SNX17: variants seen among roughly 807,000 people sequenced by gnomAD.
SNX17 encodes sorting nexin-17.
Under a neutral mutation model 64.3 loss-of-function variants are expected in SNX17, and 35 were observed. The ratio of observed to expected loss-of-function variants is 0.54; its 90% CI spans 0.42 to 0.72. The LOEUF (loss-of-function observed/expected upper bound fraction) is 0.72, where lower values mean the gene tolerates loss of function less well. SNX17 is among the 30% of genes least tolerant of loss of function. The pLI is 0.00. For missense variants in SNX17, 538 were observed against 610.0 expected (o/e 0.88, Z 1.24); for synonymous variants, 259 against 230.2 (o/e 1.13, Z -1.13).
At position 27,373,956 on chromosome 2, in the gene SNX17, T is replaced by C; in HGVS notation, c.417T>C (p.Thr139=). Residue 139 remains threonine, a synonymous_variant, in exon 5 of 15, where the codon ACT becomes ACC. Transcript: ENST00000233575. The part of the protein sequence containing the change: ...VLVNVLTSDQ[T]EDVLEAVAAK... ...TCAACGTGCTAACTTCAGATCAGAC[T>C]GAGGATGTCCTGGAGGTGAGGCGCT... is the stretch of plus-strand genomic sequence containing the variant. 1 of 1,614,140 alleles carries C rather than the reference T, an allele frequency of 6.2e-7. No homozygotes were observed. Among genetic ancestry groups the C allele is most frequent in the Non-Finnish European group, 8.5e-7 (1 of 1,179,964 alleles).
chr2:27,375,100 A>G lies in SNX17; in HGVS notation c.721A>G (p.Lys241Glu). ...DIERGWILVT[K>E]EQHRQLKSLQ... The stretch of plus-strand genomic sequence containing the variant: ...TGAGCGTGGGTGGATCTTGGTCACC[A>G]AGGAACAGCACCGGCAACTCAAATC... The change falls in exon 9 of 15, where the codon AAG becomes GAG. Residue 241 changes from lysine (K) to glutamate (E), a missense_variant. Transcript: ENST00000233575. The surrounding 1 kb of genome is among the most constrained non-coding windows in gnomAD (Gnocchi z 4.1). 1 of 1,614,106 alleles carries G rather than the reference A, an allele frequency of 6.2e-7. No individual in the cohort carries two copies. Among genetic ancestry groups the G allele is most frequent in the East Asian group, 2.2e-5 (1 of 44,870 alleles).
intron 8 of SNX17, 106 bp from the exon 9 acceptor site, chr2:27,374,955 G>A (rs147306278): frequency 6.4e-5 from 70 of 1,100,310 alleles, no homozygotes; most frequent in Non-Finnish European, 7.6e-5. Context: ...CAGAGAGGTC[G>A]CTCAAGTGTG....
chr2:27,377,192 A>G lies in SNX17; in HGVS notation c.*473A>G. The G allele has an allele frequency of 2.1e-6, 1 of 467,926 alleles. No homozygotes were observed. The highest frequency in any genetic ancestry group is 2.1e-5 in the South Asian group (1 of 48,684). 29.0% of individuals were successfully genotyped at this position (467,926 alleles called of 1,614,324 possible). A position where few individuals can be genotyped will look rare whatever the true frequency, so the allele number is the denominator to read the frequency against. On this transcript the variant is annotated 3_prime_UTR_variant, in exon 15 of 15. Transcript: ENST00000233575. This position sits in a 1 kb window ranked among gnomAD's most constrained non-coding sequence, Gnocchi z 4.4. ...CAGCATGGACTACTATGCTAAGGGT[A>G]AGGCCAAATTGCCTGCCATTGCCAA...
intron 11 of SNX17, 66 bp downstream of exon 11, chr2:27,376,037 G>A (rs575278844): frequency 1.1e-5 from 17 of 1,613,822 alleles, no homozygotes; most frequent in Non-Finnish European, 1.4e-5. Flanking sequence ...TACTCAATAT[G>A]GGAGGCATTA....
rs758056798 is a variant in SNX17, at chr2:27,372,983, A to T, written c.256+243A>T. ...ATAACACTAGTCTTAATATCAGTGG[A>T]GAGAACTTAATTTGTATCTGATGTG... On this transcript the variant is annotated intron_variant, in intron 3 of 14. Coordinates refer to ENST00000233575, the MANE Select transcript of SNX17 (RefSeq NM_014748.4). 4 of 1,459,150 alleles carry T rather than the reference A, an allele frequency of 2.7e-6. No individual in the cohort carries two copies. The East Asian group carries it at 1.0e-4, about 36-fold the overall frequency. 90.4% of individuals were successfully genotyped at this position (1,459,150 alleles called of 1,614,324 possible).
chr2:27,374,444 G>A lies in SNX17; in HGVS notation c.611+11G>A, dbSNP rs761645043. Reference sequence around the variant, plus strand: ...TGTGCTAAGGAAGAGGTCAGGGCTGGGCCTGGAAGGGGAGGGGTGGGAGGT... The same window carrying A: ...TGTGCTAAGGAAGAGGTCAGGGCTGAGCCTGGAAGGGGAGGGGTGGGAGGT... On this transcript the variant is annotated intron_variant, in intron 7 of 14. Coordinates refer to ENST00000233575, the MANE Select transcript of SNX17 (RefSeq NM_014748.4). 1 of 1,610,082 alleles carries A rather than the reference G, an allele frequency of 6.2e-7. No individual in the cohort carries two copies. The highest frequency in any genetic ancestry group is 2.2e-5 in the East Asian group (1 of 44,844).
Position 27,370,627 on chromosome 2 carries a change from A to C in SNX17, c.-117A>C, listed in dbSNP as rs1682366393. On this transcript the variant is annotated 5_prime_UTR_variant, in exon 1 of 15. Transcript: ENST00000233575. Reference sequence around the variant, plus strand: ...CCACCGCCTTCCCACATCGGATCGCAGGGCTCCCAAAATGGCGAGTGAGGC... The same window carrying C: ...CCACCGCCTTCCCACATCGGATCGCCGGGCTCCCAAAATGGCGAGTGAGGC... 6.9e-7 allele frequency: 1 copy of C among 1,455,882 alleles called. No individual in the cohort carries two copies. Among genetic ancestry groups the C allele is most frequent in the Admixed American group, 2.6e-5 (1 of 39,096 alleles). 90.2% of individuals were successfully genotyped at this position (1,455,882 alleles called of 1,614,324 possible). A position where few individuals can be genotyped will look rare whatever the true frequency, so the allele number is the denominator to read the frequency against.
chr2:27,375,808 T>A lies in SNX17; in HGVS notation c.979-38T>A, dbSNP rs1326888996. ...CGGGTCAGGGAGCCAGACAGGTTGG[T>A]CAGAGTGAACTCAACCGAATTCCCC... On this transcript the variant is annotated intron_variant, in intron 10 of 14. Coordinates refer to ENST00000233575, the MANE Select transcript of SNX17 (RefSeq NM_014748.4). This position sits in a 1 kb window ranked among gnomAD's most constrained non-coding sequence, Gnocchi z 4.1. 1.9e-6 allele frequency: 3 copies of A among 1,611,326 alleles called. No individual in the cohort carries two copies. The highest frequency in any genetic ancestry group is 1.7e-5 in the Admixed American group (1 of 59,956).
Position 27,370,636 on chromosome 2 carries a change from A to G in SNX17, c.-108A>G. On this transcript the variant is annotated 5_prime_UTR_variant, in exon 1 of 15. Transcript: ENST00000233575. ...TCCCACATCGGATCGCAGGGCTCCCAAAATGGCGAGTGAGGCTGCGGGGAC... is the reference window on the plus strand; with the variant it reads ...TCCCACATCGGATCGCAGGGCTCCCGAAATGGCGAGTGAGGCTGCGGGGAC... The G allele has an allele frequency of 6.9e-7, 1 of 1,459,250 alleles. No individual in the cohort carries two copies. The highest frequency in any genetic ancestry group is 1.9e-4 in the Middle Eastern group (1 of 5,264). 90.4% of individuals were successfully genotyped at this position (1,459,250 alleles called of 1,614,324 possible).
At chr2:27,371,131 C>G (rs1682467894) in intron 1 of SNX17, 138 bp from the exon 2 acceptor site, 5 of 813,000 alleles carry the variant, frequency 6.2e-6, no homozygotes, top group Non-Finnish European at 1.0e-5. Context: ...GGACTTGGCC[C>G]TGGCGAAAAC....
intron 3 of SNX17, 176 bp from the exon 4 acceptor site, chr2:27,373,071 C>T (rs1371267027): frequency 6.4e-7 from 1 of 1,552,124 alleles, no homozygotes; most frequent in East Asian, 2.4e-5. Context: ...AGATGGCAGC[C>T]AAGGGTGGGG....
intron 6 of SNX17, 73 bp from the exon 7 acceptor site, chr2:27,374,273 C>T (rs1682937831): frequency 9.9e-6 from 14 of 1,411,756 alleles, no homozygotes; most frequent in Non-Finnish European, 1.4e-5. Context: ...AACATTGCCT[C>T]AGGGCACTTC....
In SNX17 at chr2:27,373,185, G is replaced by C. The variant is rs1682814768; in HGVS notation, c.257-62G>C. The stretch of plus-strand genomic sequence containing the variant: ...TGGGGTCGGGGGAACCTACTGAGAG[G>C]AGGACTGGGGAGCCAAGAGTGAGTG... On this transcript the variant is annotated intron_variant, in intron 3 of 14. Coordinates refer to ENST00000233575, the MANE Select transcript of SNX17 (RefSeq NM_014748.4). 3 of 1,610,632 alleles carry C rather than the reference G, an allele frequency of 1.9e-6. No homozygotes were observed. In the East Asian group the frequency reaches 6.7e-5, roughly 36 times the overall value.
At position 27,370,681 on chromosome 2, in the gene SNX17, G is replaced by A. The variant is rs909207502; in HGVS notation, c.-63G>A. ...GGGGACTCGCTGAGCAGCGGAGGGGGAGCGTGCAGAGCCGCTGCGGCCCTC... is the reference window on the plus strand; with the variant it reads ...GGGGACTCGCTGAGCAGCGGAGGGGAAGCGTGCAGAGCCGCTGCGGCCCTC... On this transcript the variant is annotated 5_prime_UTR_variant, in exon 1 of 15. Transcript: ENST00000233575. 2 of 1,496,392 alleles carry A rather than the reference G, an allele frequency of 1.3e-6. No homozygotes were observed. Among genetic ancestry groups the A allele is most frequent in the South Asian group, 2.6e-5 (2 of 78,422 alleles). The allele number at this position is 1,496,392 out of a possible 1,614,324, so 92.7% of individuals were successfully genotyped here.
chr2:27,371,509 C>T, intron 2 of SNX17, 166 bp downstream of exon 2: 2 of 1,355,618 alleles, frequency 1.5e-6, no homozygotes, highest in Middle Eastern at 3.8e-4. Flanking sequence ...TCCGGGAACT[C>T]CCTAAGAAGC....
In SNX17 at chr2:27,374,385, C is replaced by G. The variant is rs749634634; in HGVS notation, c.563C>G (p.Ser188Cys). ...KLQEFELPYV[S>C]VTSLRSQEYK... ...CAAGAGTTTGAGCTGCCTTATGTGTCTGTCACCAGCCTTCGGAGTCAAGAG... is the reference window on the plus strand; with the variant it reads ...CAAGAGTTTGAGCTGCCTTATGTGTGTGTCACCAGCCTTCGGAGTCAAGAG... Residue 188 changes from serine to cysteine, a missense_variant, in exon 7 of 15, where the codon TCT becomes TGT. Around this residue, in one of 3 missense-constraint regions of SNX17, gnomAD observed 505 missense variants for 550.4 expected, o/e 0.92. Transcript: ENST00000233575. 47 of 1,613,228 alleles carry G rather than the reference C, an allele frequency of 2.9e-5. No individual in the cohort carries two copies. Among genetic ancestry groups the G allele is most frequent in the Non-Finnish European group, 3.9e-5 (46 of 1,179,906 alleles).
At position 27,375,274 on chromosome 2, in the gene SNX17, G is replaced by A. The variant is rs1446548292; in HGVS notation, c.774+121G>A. On this transcript the variant is annotated intron_variant, in intron 9 of 14. Coordinates refer to ENST00000233575, the MANE Select transcript of SNX17 (RefSeq NM_014748.4). This position sits in a 1 kb window ranked among gnomAD's most constrained non-coding sequence, Gnocchi z 4.1. ...CCGCCTCAGCCTCCCGAGTAGCTGG[G>A]ACTACAGGCACCCGCCACGACGCCC... The A allele has an allele frequency of 1.0e-6, 1 of 984,384 alleles. No individual in the cohort carries two copies. Among genetic ancestry groups the A allele is most frequent in the African/African-American group, 1.6e-5 (1 of 61,646 alleles). The allele number at this position is 984,384 out of a possible 1,614,324, so 61.0% of individuals were successfully genotyped here. A position where few individuals can be genotyped will look rare whatever the true frequency, so the allele number is the denominator to read the frequency against.
intron 7 of SNX17, 40 bp from the exon 8 acceptor site, chr2:27,374,649 G>C (rs375689715): frequency 4.4e-6 from 7 of 1,596,704 alleles, no homozygotes; most frequent in African/African-American, 4.0e-5. Flanking sequence ...CCTTAACCCA[G>C]CTTAGCCCCA....
chr2:27,376,268 G>A (rs1683207617), intron 12 of SNX17, 45 bp from the exon 13 acceptor site: 9 of 1,611,816 alleles, frequency 5.6e-6, no homozygotes, highest in Non-Finnish European at 6.8e-6. Flanking sequence ...TTGAGAGGGA[G>A]GGGAAGTGAT....
Sources: gnomAD v4.1 joint callset for allele counts on GRCh38, gnomAD v4.1.1 for gene constraint, gnomAD v4.1.1 regional missense constraint, Gnocchi (gnomAD v3.1) non-coding constraint, MANE v1.5 for transcripts, NCBI Gene and HGNC (gene_info 2026-07-23, HGNC 2026-07-21) for gene names.